The following HECW1 variants were observed in gnomAD, a reference collection of about 807,000 sequenced individuals.
HECW1 encodes HECT, C2 and WW domain containing E3 ubiquitin protein ligase 1.
HECW1 carries 61 observed loss-of-function variants against 182.3 expected under a neutral mutation model. That is an observed-to-expected ratio of 0.33 (90% CI 0.27 to 0.41). The LOEUF is 0.41. Ranked by LOEUF, HECW1 falls within the 10% of genes least tolerant of loss-of-function variation. The pLI is 1.00. For missense variants in HECW1, 1,739 were observed against 2,108.9 expected (o/e 0.82, Z 3.44); for synonymous variants, 859 against 832.6 (o/e 1.03, Z -0.55).
chr7:43,378,450 C>A (rs140114519), intron 6 of HECW1, among the ~76,000 whole-genome samples: 1,615 of 152,316 alleles, frequency 0.011, 34 homozygotes, highest in African/African-American at 0.037. Flanking sequence ...TCTCAGATAA[C>A]CTGCCTTAGA....
intron 2 of HECW1, among the ~76,000 whole-genome samples, chr7:43,169,264 A>G (rs2152665498): frequency 6.6e-6 from 1 of 152,242 alleles, no homozygotes; most frequent in East Asian, 1.9e-4. Context: ...ACCTGTATGG[A>G]GGTGAAATGT....
chr7:43,137,528 TTTTATTTA>T (rs368972324), intron 2 of HECW1, among the ~76,000 whole-genome samples: 25,740 of 147,224 alleles, frequency 0.17, 2,876 homozygotes, highest in Middle Eastern at 0.32. Flanking sequence ...TTCTGCCTTC[TTTTATTTA>T]TTTATTTATT....
intron 3 of HECW1, among the ~76,000 whole-genome samples, chr7:43,285,485 G>A (rs567796243): frequency 1.3e-5 from 2 of 152,276 alleles, no homozygotes; most frequent in South Asian, 4.2e-4. Flanking sequence ...CCATTCATCA[G>A]GAGTGCAGTC....
intron 3 of HECW1, among the ~76,000 whole-genome samples, chr7:43,281,293 G>C (rs1803870216): frequency 6.6e-6 from 1 of 152,192 alleles, no homozygotes; most frequent in Admixed American, 6.5e-5. Context: ...GTTTCCTGCA[G>C]ACTGAGCCCC....
intron 9 of HECW1, chr7:43,439,545 A>T (rs2152873388): frequency 6.5e-6 from 1 of 152,770 alleles, no homozygotes; most frequent in Non-Finnish European, 1.5e-5. Flanking sequence ...GAGAACAAAA[A>T]CAGGGGCTGT....
chr7:43,294,615 GCAA>G (rs1471462281), intron 3 of HECW1, among the ~76,000 whole-genome samples: 1 of 152,174 alleles, frequency 6.6e-6, no homozygotes, highest in Admixed American at 6.5e-5. Flanking sequence ...TGTGGCTGTA[GCAA>G]CATTTCCTGA....
intron 5 of HECW1, among the ~76,000 whole-genome samples, chr7:43,345,856 A>T (rs1233738449): frequency 6.6e-6 from 1 of 151,926 alleles, no homozygotes; most frequent in African/African-American, 2.4e-5. Context: ...CACATCATAT[A>T]TATATATACA....
intron 3 of HECW1, among the ~76,000 whole-genome samples, chr7:43,304,453 AAC>A (rs1807271967): frequency 1.3e-5 from 2 of 149,904 alleles, no homozygotes; most frequent in East Asian, 1.9e-4. Flanking sequence ...TCATTCATTC[AAC>A]ACAGTTATTT....
intron 6 of HECW1, among the ~76,000 whole-genome samples, chr7:43,365,991 T>A (rs1816598182): frequency 6.6e-6 from 1 of 151,944 alleles, no homozygotes; most frequent in African/African-American, 2.4e-5. Flanking sequence ...CAATCCTAGC[T>A]ACTTGGGAGG....
rs556758728 is a variant in HECW1, at chr7:43,411,007, C to T, written c.801+3276C>T. Among the ~76,000 whole-genome samples, 13 of 149,348 alleles carry T rather than the reference C, an allele frequency of 8.7e-5. No individual in the cohort carries two copies. In the East Asian group the frequency reaches 2.5e-3, roughly 29 times the overall value. The stretch of plus-strand genomic sequence containing the variant: ...TGTTTTCTATTTATTTTTATATATG[C>T]CCTTATTTTCATTTATTTATCTCCT... On this transcript the variant is annotated intron_variant, in intron 8 of 29. Transcript: ENST00000395891.
At chr7:43,234,181 C>T (rs2081025970) in intron 2 of HECW1, among the ~76,000 whole-genome samples, 1 of 152,234 alleles carries the variant, frequency 6.6e-6, no homozygotes, top group Non-Finnish European at 1.5e-5. Flanking sequence ...ACCACCCACA[C>T]CTCTCCCACC....
intron 8 of HECW1, among the ~76,000 whole-genome samples, chr7:43,422,597 G>T (rs969477314): frequency 6.6e-6 from 1 of 152,014 alleles, no homozygotes; most frequent in African/African-American, 2.4e-5. Context: ...TTGAACGCCT[G>T]ATGTCAGATG....
chr7:43,331,391 C>T (rs1811468238), intron 5 of HECW1, among the ~76,000 whole-genome samples: 1 of 151,756 alleles, frequency 6.6e-6, no homozygotes, highest in Admixed American at 6.6e-5. Flanking sequence ...GAGATCGAGA[C>T]CATCCTGGCT....
At chr7:43,430,794 A>G (rs1429534444) in intron 8 of HECW1, among the ~76,000 whole-genome samples, 1 of 149,684 alleles carries the variant, frequency 6.7e-6, no homozygotes, top group Non-Finnish European at 1.5e-5. Context: ...TATTATTATT[A>G]TTATTGAGAT....
At position 43,407,747 on chromosome 7, in the gene HECW1, C is replaced by T; in HGVS notation, c.801+16C>T. The T allele has an allele frequency of 6.3e-7, 1 of 1,586,472 alleles. No homozygotes were observed. The highest frequency in any genetic ancestry group is 8.6e-7 in the Non-Finnish European group (1 of 1,165,240). ...GCAGGCCGAGGTGAGTGCTGTGGGC[C>T]CTGAAAAAAAGCCCAAGTAAAAGTG... is the stretch of plus-strand genomic sequence containing the variant. On this transcript the variant is annotated intron_variant, in intron 8 of 29. Coordinates refer to ENST00000395891, the MANE Select transcript of HECW1 (RefSeq NM_015052.5).
intron 3 of HECW1, chr7:43,274,138 G>A (rs746851585): frequency 4.7e-5 from 19 of 404,360 alleles, no homozygotes; most frequent in South Asian, 1.6e-4. Context: ...CGCGGGTGGC[G>A]GCAGGCACGG....
intron 6 of HECW1, among the ~76,000 whole-genome samples, chr7:43,365,334 A>G (rs1366038359): frequency 1.3e-5 from 2 of 152,162 alleles, no homozygotes; most frequent in Admixed American, 1.3e-4. Context: ...CTCCCCACCC[A>G]CTCTGAGGCC....
chr7:43,141,973 A>C (rs1364424302), intron 2 of HECW1, among the ~76,000 whole-genome samples: 1 of 152,188 alleles, frequency 6.6e-6, no homozygotes, highest in Admixed American at 6.5e-5. Context: ...TTTGGGTGCA[A>C]CTGACCTCAA....
intron 8 of HECW1, among the ~76,000 whole-genome samples, chr7:43,415,972 G>C (rs1215226735): frequency 1.4e-5 from 2 of 141,822 alleles, no homozygotes; most frequent in African/African-American, 5.5e-5. Context: ...CCTTTGGTTT[G>C]AATGTCCTCC....
Sources: gnomAD v4.1 joint callset for allele counts (sites outside exome capture counted in the v4.1 genomes callset) on GRCh38, gnomAD v4.1.1 for gene constraint, MANE v1.5 for transcripts, NCBI Gene and HGNC (gene_info 2026-07-23, HGNC 2026-07-21) for gene names.